The following SLC25A26 variants were observed in gnomAD, a reference collection of about 807,000 sequenced individuals.
SLC25A26 encodes the protein solute carrier family 25 member 26.
In SLC25A26, 36 loss-of-function variants were observed where a neutral mutation model predicts 37.8. That is an observed-to-expected ratio of 0.95 (90% CI 0.73 to 1.26). The LOEUF (loss-of-function observed/expected upper bound fraction) is 1.26, where lower values mean the gene tolerates loss of function less well. Ranked by LOEUF, SLC25A26 falls within the 50% of genes most tolerant of loss-of-function variation. The pLI, the probability that SLC25A26 is intolerant of heterozygous loss-of-function variation, is 0.00. For synonymous variants in SLC25A26, 129 were observed against 122.5 expected (o/e 1.05, Z -0.35); for missense variants, 390 against 331.1 (o/e 1.18, Z -1.38).
rs1443783974 is a variant in SLC25A26, at chr3:66,378,022, T to C, written c.*215T>C. 2.0e-6 allele frequency: 1 copy of C among 498,172 alleles called. No individual in the cohort carries two copies. Among genetic ancestry groups the C allele is most frequent in the African/African-American group, 1.9e-5 (1 of 52,786 alleles). 30.9% of individuals were successfully genotyped at this position (498,172 alleles called of 1,614,324 possible). A position where few individuals can be genotyped will look rare whatever the true frequency, so the allele number is the denominator to read the frequency against. On this transcript the variant is annotated 3_prime_UTR_variant, in exon 10 of 10. Coordinates refer to ENST00000354883, the MANE Select transcript of SLC25A26 (RefSeq NM_001379210.1). The stretch of plus-strand genomic sequence containing the variant: ...AGCTAAGAGAAGAAAACGGGGTCTG[T>C]GGCGGTACTCTGAACAATTTCCTCA...
Position 66,207,538 on chromosome 3 carries a change from T to A in SLC25A26, c.-353-13204T>A, listed in dbSNP as rs896815232. On this transcript the variant is annotated intron_variant, in intron 1 of 10. Transcript: ENST00000676754. ...GATTGATTTTACTCACAACATTGTATATAAATTTGGATGAAAAAGAATACA... is the reference window on the plus strand; with the variant it reads ...GATTGATTTTACTCACAACATTGTAAATAAATTTGGATGAAAAAGAATACA... Among the ~76,000 whole-genome samples, 556 of 152,324 alleles carry A rather than the reference T, an allele frequency of 3.7e-3. 3 individuals carry two copies. The highest frequency in any genetic ancestry group is 0.016 in the East Asian group (85 of 5,186).
At chr3:66,261,127 G>A (rs187693768) in intron 3 of SLC25A26, among the ~76,000 whole-genome samples, 37 of 152,304 alleles carry the variant, frequency 2.4e-4, no homozygotes, top group African/African-American at 8.7e-4. Flanking sequence ...TCGGCTTCCC[G>A]AGTGCCATAA....
chr3:66,262,217 C>A (rs972492034), intron 4 of SLC25A26, 62 bp downstream of exon 4: 16 of 840,522 alleles, frequency 1.9e-5, no homozygotes, highest in Non-Finnish European at 2.8e-5. Flanking sequence ...CTAATACGAA[C>A]ACTGTGGATT....
At chr3:66,274,356 T>C (rs2074058218) in intron 5 of SLC25A26, among the ~76,000 whole-genome samples, 2 of 151,762 alleles carry the variant, frequency 1.3e-5, no homozygotes, top group Admixed American at 6.6e-5. Context: ...ACTTCATGTC[T>C]AAAACACCAA....
chr3:66,347,263 AAATG>A (rs1349537519), intron 6 of SLC25A26, among the ~76,000 whole-genome samples: 3 of 152,206 alleles, frequency 2.0e-5, no homozygotes, highest in Non-Finnish European at 2.9e-5. Context: ...CAAGGAACTG[AAATG>A]AATTTACAAG....
At position 66,326,575 on chromosome 3, in the gene SLC25A26, C is replaced by T. The variant is rs141155511; in HGVS notation, c.454-19789C>T. 1.6e-3 allele frequency among the ~76,000 whole-genome samples: 249 copies of T among 152,316 alleles called. 1 individual carries two copies. Among genetic ancestry groups the T allele is most frequent in the African/African-American group, 3.4e-3 (142 of 41,568 alleles). On this transcript the variant is annotated intron_variant, in intron 5 of 9. Transcript: ENST00000354883. ...AGAGTGGTGTCAAGTGGCATGTGCTCCACGGGAGAAGTCTCCCTGCAGACA... is the reference window on the plus strand; with the variant it reads ...AGAGTGGTGTCAAGTGGCATGTGCTTCACGGGAGAAGTCTCCCTGCAGACA...
chr3:66,225,753 C>T (rs1056661114), intron 1 of SLC25A26, among the ~76,000 whole-genome samples: 5 of 152,086 alleles, frequency 3.3e-5, no homozygotes, highest in African/African-American at 7.2e-5. Flanking sequence ...TTTCTTCTGT[C>T]GGATACTGTA....
intron 3 of SLC25A26, among the ~76,000 whole-genome samples, chr3:66,256,335 C>T (rs574752198): frequency 2.6e-5 from 4 of 152,146 alleles, no homozygotes; most frequent in South Asian, 4.1e-4. Context: ...TCCTTTTTAT[C>T]AAGGCTGATA....
intron 5 of SLC25A26, among the ~76,000 whole-genome samples, chr3:66,303,270 C>T (rs1024856047): frequency 3.9e-5 from 6 of 152,134 alleles, no homozygotes; most frequent in Non-Finnish European, 7.4e-5. Context: ...ATACTTCTCT[C>T]CCCCTCTCTA....
At chr3:66,273,921 A>G (rs1369020204) in intron 5 of SLC25A26, among the ~76,000 whole-genome samples, 3 of 152,144 alleles carry the variant, frequency 2.0e-5, no homozygotes, top group Admixed American at 6.5e-5. Flanking sequence ...TATGGAACCA[A>G]AAAAGAGCCC....
chr3:66,148,443 C>T (rs1268732576), intron 1 of SLC25A26, among the ~76,000 whole-genome samples: 5 of 152,142 alleles, frequency 3.3e-5, no homozygotes, highest in South Asian at 4.1e-4. Flanking sequence ...AGGACCATGG[C>T]GAGGATGGAG....
intron 5 of SLC25A26, among the ~76,000 whole-genome samples, chr3:66,318,051 C>G (rs964008835): frequency 2.6e-5 from 4 of 152,288 alleles, no homozygotes; most frequent in African/African-American, 9.6e-5. Flanking sequence ...AGTCTCAAGT[C>G]TGATGTGCTG....
intron 5 of SLC25A26, among the ~76,000 whole-genome samples, chr3:66,286,901 G>T (rs1201060248): frequency 6.6e-6 from 1 of 152,054 alleles, no homozygotes; most frequent in Non-Finnish European, 1.5e-5. Flanking sequence ...GGCCTCATGT[G>T]ATCTGCCCAA....
intron 1 of SLC25A26, among the ~76,000 whole-genome samples, chr3:66,228,831 T>C (rs781872116): frequency 2.6e-5 from 4 of 151,950 alleles, no homozygotes; most frequent in Non-Finnish European, 5.9e-5. Context: ...TGAACACTTA[T>C]ATTTCTCTTT....
intron 9 of SLC25A26, chr3:66,371,140 C>T: frequency 1.4e-6 from 2 of 1,428,380 alleles, no homozygotes; most frequent in Non-Finnish European, 1.8e-6. Context: ...ACACCATAAA[C>T]TTGTGAAGCC....
chr3:66,324,919 G>C (rs1361808341), intron 5 of SLC25A26, among the ~76,000 whole-genome samples: 5 of 152,008 alleles, frequency 3.3e-5, no homozygotes, highest in Admixed American at 2.0e-4. Flanking sequence ...ACAAAAGACA[G>C]AGTAGCAAGA....
chr3:66,304,490 A>C (rs1365603133), intron 5 of SLC25A26: 1 of 455,286 alleles, frequency 2.2e-6, no homozygotes, highest in East Asian at 7.0e-5. Context: ...GAGGCTTGTG[A>C]GCTTCTGTGA....
At chr3:66,169,404 T>C (rs1410308857) in intron 1 of SLC25A26, among the ~76,000 whole-genome samples, 1 of 152,198 alleles carries the variant, frequency 6.6e-6, no homozygotes, top group Non-Finnish European at 1.5e-5. Flanking sequence ...TCCTCTGCCT[T>C]GAAGTGCCGT....
chr3:66,264,669 C>T (rs1304571149), intron 5 of SLC25A26, among the ~76,000 whole-genome samples: 1 of 152,206 alleles, frequency 6.6e-6, no homozygotes, highest in South Asian at 2.1e-4. Flanking sequence ...CCTGAAACCA[C>T]CCACCCCACC....
Sources: allele counts gnomAD v4.1 joint callset (sites outside exome capture counted in the v4.1 genomes callset), GRCh38; gene constraint gnomAD v4.1.1; transcripts MANE v1.5; gene names NCBI Gene and HGNC (gene_info 2026-07-23, HGNC 2026-07-21).